Variants in SFI1 observed in about 807,000 individuals in gnomAD.
SFI1 encodes the protein SFI1 centrin binding protein.
SFI1 carries 195 observed loss-of-function variants against 207.5 expected under a neutral mutation model. The ratio of observed to expected loss-of-function variants is 0.94; its 90% CI spans 0.84 to 1.06. The LOEUF (loss-of-function observed/expected upper bound fraction) is 1.06, where lower values mean the gene tolerates loss of function less well. Ranked by LOEUF, SFI1 falls within the 50% of genes least tolerant of loss-of-function variation. The pLI is 0.00. For synonymous variants in SFI1, 630 were observed against 598.9 expected (o/e 1.05, Z -0.76); for missense variants, 1,634 against 1,588.0 (o/e 1.03, Z -0.49).
intron 2 of SFI1, among the ~76,000 whole-genome samples, chr22:31,517,994 TTTTG>T (rs899820615): frequency 2.6e-5 from 4 of 152,244 alleles, no homozygotes; most frequent in South Asian, 2.1e-4. Flanking sequence ...TTGTTGGTTT[TTTTG>T]TTTGTTTGTT....
rs776669179 is a variant in SFI1, at chr22:31,615,187, C to T, written c.3208C>T (p.Pro1070Ser). Residue 1070 changes from proline to serine, a missense_variant, in exon 29 of 33, where the codon CCG becomes TCG. Transcript: ENST00000400288. Reference sequence around the variant, plus strand: ...TGGGGCCCTGTCAAGCGCCCCTGGCCCGAAGCAGCCCCCGACGGCAAGCAC... The same window carrying T: ...TGGGGCCCTGTCAAGCGCCCCTGGCTCGAAGCAGCCCCCGACGGCAAGCAC... ...LPGALSSAPG[P>S]KQPPTASTGP... 1.3e-6 allele frequency: 2 copies of T among 1,591,802 alleles called. No homozygotes were observed. Among genetic ancestry groups the T allele is most frequent in the East Asian group, 2.2e-5 (1 of 44,666 alleles).
intron 15 of SFI1, among the ~76,000 whole-genome samples, chr22:31,600,742 C>T (rs947483020): frequency 6.6e-6 from 1 of 152,216 alleles, no homozygotes; most frequent in Non-Finnish European, 1.5e-5. Context: ...AAAGTCTGGG[C>T]GGCCTAGGGG....
At chr22:31,545,682 G>A (rs2060016624) in intron 4 of SFI1, among the ~76,000 whole-genome samples, 1 of 151,692 alleles carries the variant, frequency 6.6e-6, no homozygotes, top group East Asian at 1.9e-4. Context: ...CCTGGTTCAA[G>A]CGATTCTCCT....
At chr22:31,581,875 A>G (rs1603182257) in intron 12 of SFI1, among the ~76,000 whole-genome samples, 1 of 152,128 alleles carries the variant, frequency 6.6e-6, no homozygotes, top group Non-Finnish European at 1.5e-5. Context: ...TTCAAAGTAA[A>G]TTATAGACAT....
At chr22:31,536,587 GT>G (rs995508824) in intron 4 of SFI1, among the ~76,000 whole-genome samples, 1 of 152,046 alleles carries the variant, frequency 6.6e-6, no homozygotes, top group Non-Finnish European at 1.5e-5. Context: ...AATTTTTTGT[GT>G]TTTTAGTAGA....
chr22:31,609,941 C>CGGGTTT (rs2147218357), intron 22 of SFI1, among the ~76,000 whole-genome samples: 1 of 152,308 alleles, frequency 6.6e-6, no homozygotes, highest in East Asian at 1.9e-4. Flanking sequence ...TTAGAGGCGA[C>CGGGTTT]GGGTTTGAGT....
chr22:31,526,695 A>G (rs1474425569), intron 2 of SFI1, among the ~76,000 whole-genome samples: 1 of 151,936 alleles, frequency 6.6e-6, no homozygotes, highest in African/African-American at 2.4e-5. Flanking sequence ...AGCTGGGACT[A>G]CAGGCGTGTG....
intron 15 of SFI1, among the ~76,000 whole-genome samples, chr22:31,592,910 C>T (rs1439732650): frequency 8.4e-6 from 1 of 119,520 alleles, no homozygotes; most frequent in East Asian, 2.5e-4. Flanking sequence ...CTGAGGGGCT[C>T]CTCACTTCCC....
chr22:31,529,071 T>G (rs1303230787), intron 3 of SFI1: 3 of 499,254 alleles, frequency 6.0e-6, no homozygotes, highest in Non-Finnish European at 1.1e-5. Context: ...TCTCCACTTG[T>G]GCCTCACAAT....
At chr22:31,573,684 T>C (rs555577555) in intron 9 of SFI1, among the ~76,000 whole-genome samples, 69 of 152,276 alleles carry the variant, frequency 4.5e-4, no homozygotes, top group African/African-American at 1.6e-3. Context: ...GTGATCCGCC[T>C]GCCTCAGCCT....
intron 15 of SFI1, among the ~76,000 whole-genome samples, chr22:31,601,216 C>G (rs1296008941): frequency 6.6e-6 from 1 of 150,384 alleles, no homozygotes; most frequent in Non-Finnish European, 1.5e-5. Context: ...CTCCGCCTCC[C>G]GGGTTCATGT....
rs1603115816 is a variant in SFI1, at chr22:31,578,267, C to G, written c.1085-115C>G. On this transcript the variant is annotated intron_variant, in intron 10 of 32. Transcript: ENST00000400288. ...GGAGTAGACAGAGGTGGACCTCAGCCCACCTGGCACGTGTGTTATCCCCGA... is the reference window on the plus strand; with the variant it reads ...GGAGTAGACAGAGGTGGACCTCAGCGCACCTGGCACGTGTGTTATCCCCGA... 8 of 954,986 alleles carry G rather than the reference C, an allele frequency of 8.4e-6. No homozygotes were observed. The East Asian group carries it at 2.2e-4, about 26-fold the overall frequency. 59.2% of individuals were successfully genotyped at this position (954,986 alleles called of 1,614,324 possible). A position where few individuals can be genotyped will look rare whatever the true frequency, so the allele number is the denominator to read the frequency against.
chr22:31,575,093 T>C (rs1414791002), intron 9 of SFI1, 138 bp from the exon 10 acceptor site: 31 of 191,966 alleles, frequency 1.6e-4, no homozygotes, highest in South Asian at 6.5e-4. Flanking sequence ...TGCGTGTGTG[T>C]GTGTGTGTGT....
At chr22:31,538,730 C>A (rs1172036474) in intron 4 of SFI1, 1 of 152,256 alleles carries the variant, frequency 6.6e-6, no homozygotes, top group African/African-American at 2.4e-5. Context: ...GTTCTAGTTA[C>A]CATCCTCTTG....
intron 1 of SFI1, among the ~76,000 whole-genome samples, chr22:31,504,842 C>T (rs942683884): frequency 1.3e-5 from 2 of 152,180 alleles, no homozygotes; most frequent in African/African-American, 4.8e-5. Context: ...CCCTGTATCT[C>T]TTCTCTTTTA....
At chr22:31,542,733 C>T (rs1381427702) in intron 4 of SFI1, among the ~76,000 whole-genome samples, 2 of 149,854 alleles carry the variant, frequency 1.3e-5, no homozygotes, top group Non-Finnish European at 3.0e-5. Flanking sequence ...CTGATCTCAG[C>T]TCACTCCAAC....
intron 14 of SFI1, 79 bp from the exon 15 acceptor site, chr22:31,589,368 C>T: frequency 7.9e-7 from 1 of 1,270,886 alleles, no homozygotes; most frequent in Non-Finnish European, 1.0e-6. Context: ...AGCAATCCTC[C>T]CACAAGGGTG....
chr22:31,563,152 C>G (rs1408046338), intron 8 of SFI1, among the ~76,000 whole-genome samples: 1 of 151,976 alleles, frequency 6.6e-6, no homozygotes, highest in Non-Finnish European at 1.5e-5. Flanking sequence ...GCCGCCACGC[C>G]TGGCTAATTT....
chr22:31,609,423 TC>T (rs1183487723), intron 22 of SFI1, among the ~76,000 whole-genome samples: 1 of 151,992 alleles, frequency 6.6e-6, no homozygotes, highest in Non-Finnish European at 1.5e-5. Context: ...CAGCTAGGGG[TC>T]CCATAGTAGG....
Sources: gnomAD v4.1 joint callset for allele counts (sites outside exome capture counted in the v4.1 genomes callset) on GRCh38, gnomAD v4.1.1 for gene constraint, MANE v1.5 for transcripts, NCBI Gene and HGNC (gene_info 2026-07-23, HGNC 2026-07-21) for gene names.